Variants in DGKI observed in about 807,000 individuals in gnomAD.
The protein encoded by DGKI is diacylglycerol kinase iota.
A neutral mutation model predicts 147.5 loss-of-function variants in DGKI; 55 were observed. The observed-to-expected ratio is 0.37, with a 90% CI of 0.30 to 0.47. The LOEUF (loss-of-function observed/expected upper bound fraction) is 0.47. DGKI is among the 20% of genes least tolerant of loss of function. The pLI is 1.00. For missense variants in DGKI, 1,007 were observed against 1,323.8 expected (o/e 0.76, Z 3.71); for synonymous variants, 469 against 477.1 (o/e 0.98, Z 0.22).
chr7:137,800,413 C>G (rs1251008296), intron 1 of DGKI, among the ~76,000 whole-genome samples: 1 of 151,974 alleles, frequency 6.6e-6, no homozygotes. Flanking sequence ...CTCAAGAGAT[C>G]TGGTTGTTTA....
intron 1 of DGKI, among the ~76,000 whole-genome samples, chr7:137,731,037 C>T (rs1794868056): frequency 6.6e-6 from 1 of 152,038 alleles, no homozygotes; most frequent in Non-Finnish European, 1.5e-5. Flanking sequence ...TATTCCGCCT[C>T]AGCCACAATG....
At position 137,389,016 on chromosome 7, in the gene DGKI, A is replaced by G. The variant is rs1422616447; in HGVS notation, c.*2204T>C. 1.3e-5 allele frequency: 2 copies of G among 152,168 alleles called. No individual in the cohort carries two copies. Among genetic ancestry groups the G allele is most frequent in the Non-Finnish European group, 2.9e-5 (2 of 68,026 alleles). The allele number at this position is 152,168 out of a possible 1,614,324, so 9.4% of individuals were successfully genotyped here. A position where few individuals can be genotyped will look rare whatever the true frequency, so the allele number is the denominator to read the frequency against. ...GATGAAAACAGAGTTCTTCATCCCA[A>G]CAGTAACAGCTAGATAACTGACTGC... On this transcript the variant is annotated 3_prime_UTR_variant, in exon 33 of 33. Coordinates refer to ENST00000614521, the MANE Select transcript of DGKI (RefSeq NM_001321708.2).
chr7:137,709,547 G>A (rs190442525), intron 1 of DGKI, among the ~76,000 whole-genome samples: 120 of 152,196 alleles, frequency 7.9e-4, no homozygotes, highest in Non-Finnish European at 1.1e-3. Context: ...ACATGCCTTC[G>A]TTCTCTAGGT....
At chr7:137,441,278 G>A (rs934400061) in intron 28 of DGKI, among the ~76,000 whole-genome samples, 6 of 151,840 alleles carry the variant, frequency 4.0e-5, no homozygotes, top group African/African-American at 9.7e-5. Flanking sequence ...AAAATTAGCC[G>A]GGCATGGTGG....
chr7:137,569,099 G>C (rs1193440781), intron 19 of DGKI, among the ~76,000 whole-genome samples: 1 of 152,138 alleles, frequency 6.6e-6, no homozygotes, highest in Non-Finnish European at 1.5e-5. Flanking sequence ...TCACTTGTCA[G>C]CTGCTTGAGC....
intron 7 of DGKI, among the ~76,000 whole-genome samples, 188 bp downstream of exon 7, chr7:137,623,295 T>C (rs1820815922): frequency 6.6e-6 from 1 of 152,244 alleles, no homozygotes; most frequent in African/African-American, 2.4e-5. Flanking sequence ...CTCTCTAGTG[T>C]ATCCCAGCTC....
intron 23 of DGKI, among the ~76,000 whole-genome samples, chr7:137,472,143 GTA>G (rs1003446825): frequency 6.8e-5 from 8 of 116,932 alleles, no homozygotes; most frequent in African/African-American, 1.0e-4. Flanking sequence ...ATATATATGT[GTA>G]TATACATATA....
At chr7:137,392,158 T>C (rs1477954759) in intron 32 of DGKI, among the ~76,000 whole-genome samples, 1 of 152,198 alleles carries the variant, frequency 6.6e-6, no homozygotes, top group Non-Finnish European at 1.5e-5. Context: ...CATCAACATG[T>C]TAAATGATCA....
intron 28 of DGKI, among the ~76,000 whole-genome samples, chr7:137,415,136 ATG>A (rs1452740454): frequency 6.6e-6 from 1 of 152,144 alleles, no homozygotes; most frequent in East Asian, 1.9e-4. Context: ...TGAGCCAAGG[ATG>A]TGGTGTTTAT....
intron 20 of DGKI, among the ~76,000 whole-genome samples, chr7:137,524,517 C>T (rs1383936727): frequency 7.9e-5 from 12 of 151,886 alleles, no homozygotes; most frequent in Admixed American, 5.9e-4. Flanking sequence ...AAAAAATTTA[C>T]GCAATTAACA....
At position 137,846,351 on chromosome 7, in the gene DGKI, A is replaced by G. The variant is rs1056490523; in HGVS notation, c.401+111T>C. The G allele has an allele frequency of 6.8e-6, 4 of 591,464 alleles. No homozygotes were observed. The highest frequency in any genetic ancestry group is 1.9e-5 in the South Asian group (1 of 51,854). The allele number at this position is 591,464 out of a possible 1,614,324, so 36.6% of individuals were successfully genotyped here. On this transcript the variant is annotated intron_variant, in intron 1 of 32. Coordinates refer to ENST00000614521, the MANE Select transcript of DGKI (RefSeq NM_001321708.2). This position sits in a 1 kb window ranked among gnomAD's most constrained non-coding sequence, Gnocchi z 4.0. ...AGGAGAGGGGGAAAGGGGGAAGGAG[A>G]GGCGTGGAAACAGAGAGGTGCCCAA... is the stretch of plus-strand genomic sequence containing the variant.
chr7:137,638,039 A>G (rs1321815594), intron 6 of DGKI, among the ~76,000 whole-genome samples: 1 of 152,162 alleles, frequency 6.6e-6, no homozygotes, highest in African/African-American at 2.4e-5. Context: ...GGTCAGATTC[A>G]GGTTTTAATA....
rs1448211305 is a variant in DGKI, at chr7:137,656,518, C to T, written c.629G>A (p.Cys210Tyr). The stretch of plus-strand genomic sequence containing the variant: ...GTGGACGACGATTTTACAGACTGCA[C>T]ACTTCCTCCTGAGAGCTGATTTCTA... ...RFAKSALRRK[C>Y]AVCKIVVHTA... The change falls in exon 4 of 33, where the codon TGT (cysteine) becomes TAT (tyrosine). Residue 210 changes from cysteine (C) to tyrosine (Y), a missense_variant. Transcript: ENST00000614521. 6.2e-7 allele frequency: 1 copy of T among 1,614,038 alleles called. No homozygotes were observed. Among genetic ancestry groups the T allele is most frequent in the Non-Finnish European group, 8.5e-7 (1 of 1,180,022 alleles).
At chr7:137,487,989 G>A (rs1016308248) in intron 21 of DGKI, among the ~76,000 whole-genome samples, 1 of 152,140 alleles carries the variant, frequency 6.6e-6, no homozygotes, top group Non-Finnish European at 1.5e-5. Flanking sequence ...CGATGGATTG[G>A]CAGAACAGGG....
chr7:137,591,558 G>C (rs2128985661), intron 12 of DGKI, among the ~76,000 whole-genome samples: 2 of 152,258 alleles, frequency 1.3e-5, no homozygotes, highest in Middle Eastern at 6.8e-3. Flanking sequence ...CAGAAGTGTG[G>C]GGCACCGAGC....
At chr7:137,601,866 G>C (rs1441534801) in intron 10 of DGKI, among the ~76,000 whole-genome samples, 3 of 152,126 alleles carry the variant, frequency 2.0e-5, no homozygotes, top group African/African-American at 7.2e-5. Flanking sequence ...TAATTTAAAA[G>C]TTCTGCCTTA....
At chr7:137,659,793 C>T (rs1822356756) in intron 3 of DGKI, among the ~76,000 whole-genome samples, 1 of 152,104 alleles carries the variant, frequency 6.6e-6, no homozygotes, top group South Asian at 2.1e-4. Context: ...ATTAGCCAGG[C>T]ATGGTGGTGG....
intron 1 of DGKI, among the ~76,000 whole-genome samples, chr7:137,720,292 C>T (rs1262678764): frequency 8.0e-6 from 1 of 124,774 alleles, no homozygotes; most frequent in Non-Finnish European, 1.6e-5. Context: ...GAGTCTCGCT[C>T]TTTCGCCCAG....
rs71177914 is a variant in DGKI at position 137,596,001 on chromosome 7, C to CAAAAAAAA, written c.1311+1838_1311+1845dup. ...TGGGCAACAGAGTGAGACTCCGTCTCAAAAAAAAAAAAAAAAAAAAAAAAA... is the reference window on the plus strand; with the variant it reads ...TGGGCAACAGAGTGAGACTCCGTCTCAAAAAAAAAAAAAAAAAAAAAAAAAAAAAAAAA... On this transcript the variant is annotated intron_variant, in intron 12 of 32. Transcript: ENST00000614521. Among the ~76,000 whole-genome samples, 285 of 44,430 alleles carry CAAAAAAAA rather than the reference C, an allele frequency of 6.4e-3. 1 individual carries two copies. The highest frequency in any genetic ancestry group is 9.2e-3 in the Admixed American group (21 of 2,292). 29.1% of individuals were successfully genotyped at this position (44,430 alleles called of 152,430 possible). A position where few individuals can be genotyped will look rare whatever the true frequency, so the allele number is the denominator to read the frequency against.
Sources: allele counts gnomAD v4.1 joint callset (sites outside exome capture counted in the v4.1 genomes callset), GRCh38; gene constraint gnomAD v4.1.1; non-coding constraint Gnocchi (gnomAD v3.1); transcripts MANE v1.5; gene names NCBI Gene and HGNC (gene_info 2026-07-23, HGNC 2026-07-21).